FCHSD2: variants seen among roughly 807,000 people sequenced by gnomAD.
FCHSD2 encodes F-BAR and double SH3 domains protein 2.
Under a neutral mutation model 108.1 loss-of-function variants are expected in FCHSD2, and 38 were observed. That is an observed-to-expected ratio of 0.35 (90% CI 0.27 to 0.46). The LOEUF (loss-of-function observed/expected upper bound fraction) is 0.46, where lower values mean the gene tolerates loss of function less well. Ranked by LOEUF, FCHSD2 falls within the 20% of genes least tolerant of loss-of-function variation. The probability of loss-of-function intolerance (pLI) is 1.00; values close to 1 mark genes in which losing one functional copy is unlikely to be tolerated. For missense variants in FCHSD2, 751 were observed against 897.8 expected (o/e 0.84, Z 2.09); for synonymous variants, 279 against 314.7 (o/e 0.89, Z 1.20).
rs563621415 is a variant in FCHSD2, at chr11:72,843,170, G to C, written c.1686C>G (p.Ser562Arg). ...CTTTACCACTGGCATCTCCGTTGAG[G>C]CTGCCTGAAACGAGTTCTGCTTCCG... ...NSTEAELVSGSLNGDASVCFV... is the reference protein window; with the variant it reads ...NSTEAELVSGRLNGDASVCFV... The change falls in exon 16 of 20, where the codon AGC becomes AGG. Residue 562 changes from serine to arginine, a missense_variant. Coordinates refer to ENST00000409418, the MANE Select transcript of FCHSD2 (RefSeq NM_014824.3). 134 of 1,614,000 alleles carry C rather than the reference G, an allele frequency of 8.3e-5. 2 individuals carry two copies. The South Asian group carries it at 9.0e-4, about 11-fold the overall frequency.
At chr11:72,980,880 G>C (rs919840021) in intron 8 of FCHSD2, among the ~76,000 whole-genome samples, 1 of 152,004 alleles carries the variant, frequency 6.6e-6, no homozygotes, top group Non-Finnish European at 1.5e-5. Flanking sequence ...GCTGTAAGAG[G>C]CTCTTAAATG....
At chr11:72,964,883 G>A (rs563470065) in intron 8 of FCHSD2, among the ~76,000 whole-genome samples, 62 of 149,440 alleles carry the variant, frequency 4.1e-4, no homozygotes, top group African/African-American at 1.4e-3. Context: ...TCTGCCTCCC[G>A]GGTTCACGCC....
At chr11:72,879,834 A>G (rs1186820275) in intron 12 of FCHSD2, among the ~76,000 whole-genome samples, 1 of 152,058 alleles carries the variant, frequency 6.6e-6, no homozygotes, top group Non-Finnish European at 1.5e-5. Flanking sequence ...GACAGAAAAC[A>G]TATATCAAGG....
chr11:72,901,105 A>G (rs151232993), intron 10 of FCHSD2, among the ~76,000 whole-genome samples: 2 of 152,340 alleles, frequency 1.3e-5, no homozygotes, highest in African/African-American at 2.4e-5. Flanking sequence ...ACAATTGCCA[A>G]TTGGGGCCGG....
intron 12 of FCHSD2, among the ~76,000 whole-genome samples, chr11:72,887,197 T>C (rs982194139): frequency 6.6e-6 from 1 of 152,130 alleles, no homozygotes; most frequent in Non-Finnish European, 1.5e-5. Context: ...TGGTTTATTA[T>C]GTACCTTTTA....
chr11:73,139,638 G>A (rs1366334195), intron 2 of FCHSD2, among the ~76,000 whole-genome samples: 1 of 152,172 alleles, frequency 6.6e-6, no homozygotes, highest in African/African-American at 2.4e-5. Flanking sequence ...ACCATCTGGG[G>A]TTGACTGGCT....
At chr11:72,838,915 G>A in intron 19 of FCHSD2, 41 bp from the exon 20 acceptor site, 1 of 1,551,588 alleles carries the variant, frequency 6.4e-7, no homozygotes, top group African/African-American at 1.4e-5. Context: ...GTCAGTTCCT[G>A]ACTCAGTATC....
chr11:72,927,492 T>G (rs1476679120), intron 8 of FCHSD2, among the ~76,000 whole-genome samples: 1 of 151,792 alleles, frequency 6.6e-6, no homozygotes, highest in Non-Finnish European at 1.5e-5. Context: ...GGGAAGGGAG[T>G]GTAAGGGAAA....
chr11:72,843,806 G>A (rs909037704), intron 14 of FCHSD2: 4 of 350,134 alleles, frequency 1.1e-5, no homozygotes, highest in Non-Finnish European at 2.0e-5. Flanking sequence ...GCAACACAGC[G>A]AGACCCCCAT....
chr11:72,976,965 G>A (rs1857115749), intron 8 of FCHSD2, among the ~76,000 whole-genome samples: 2 of 147,046 alleles, frequency 1.4e-5, no homozygotes, highest in Non-Finnish European at 3.0e-5. Context: ...TTGCTCTGTT[G>A]CCCAGGCTGG....
Position 72,871,432 on chromosome 11 carries a change from T to C in FCHSD2, c.1147-3406A>G, listed in dbSNP as rs547020105. Among the ~76,000 whole-genome samples the C allele has an allele frequency of 4.6e-5, 7 of 152,360 alleles. No homozygotes were observed. The South Asian group carries it at 8.3e-4, about 18-fold the overall frequency. ...TCAGCCTCTTTTGCTTAGCAAGTAA[T>C]GCATTCAGCTTCATTGTTTCACATA... On this transcript the variant is annotated intron_variant, in intron 12 of 19. Transcript: ENST00000409418.
chr11:72,843,756 A>T, intron 14 of FCHSD2: 1 of 532,860 alleles, frequency 1.9e-6, no homozygotes, highest in Non-Finnish European at 3.3e-6. Flanking sequence ...TGAATCCTCA[A>T]GAGGCAATGA....
intron 2 of FCHSD2, among the ~76,000 whole-genome samples, chr11:73,129,811 G>A (rs1304480525): frequency 6.6e-6 from 1 of 151,112 alleles, no homozygotes; most frequent in African/African-American, 2.4e-5. Flanking sequence ...GACCACTGCT[G>A]TAAACTAGCA....
intron 2 of FCHSD2, among the ~76,000 whole-genome samples, chr11:73,107,448 T>G (rs1397683241): frequency 6.6e-6 from 1 of 152,244 alleles, no homozygotes; most frequent in Non-Finnish European, 1.5e-5. Flanking sequence ...ATAATCACAT[T>G]AGAGTAAATG....
intron 7 of FCHSD2, 68 bp from the exon 8 acceptor site, chr11:72,984,284 A>T: frequency 6.7e-7 from 1 of 1,495,054 alleles, no homozygotes; most frequent in South Asian, 1.2e-5. Context: ...TAGGAATCCT[A>T]CTCTTAGTTT....
intron 5 of FCHSD2, among the ~76,000 whole-genome samples, chr11:72,998,527 C>A (rs1044528618): frequency 6.6e-6 from 1 of 150,780 alleles, no homozygotes; most frequent in African/African-American, 2.4e-5. Context: ...GGTGACAGAG[C>A]GAGACTCTGT....
At chr11:73,094,885 G>A (rs534341308) in intron 2 of FCHSD2, among the ~76,000 whole-genome samples, 13 of 152,164 alleles carry the variant, frequency 8.5e-5, no homozygotes, top group Admixed American at 2.0e-4. Context: ...CGAGGCAAGC[G>A]GAACGAACAA....
intron 3 of FCHSD2, among the ~76,000 whole-genome samples, chr11:73,032,798 A>G (rs1351336257): frequency 3.3e-5 from 5 of 152,154 alleles, no homozygotes; most frequent in Non-Finnish European, 7.4e-5. Context: ...ACTTCATACA[A>G]GCTGGCATGG....
chr11:73,017,622 G>GT (rs1858002938), intron 3 of FCHSD2, among the ~76,000 whole-genome samples: 1 of 152,096 alleles, frequency 6.6e-6, no homozygotes, highest in Non-Finnish European at 1.5e-5. Context: ...CTACATATCC[G>GT]TAACAGTTCC....
Sources: gnomAD v4.1 joint callset for allele counts (sites outside exome capture counted in the v4.1 genomes callset) on GRCh38, gnomAD v4.1.1 for gene constraint, MANE v1.5 for transcripts, NCBI Gene and HGNC (gene_info 2026-07-23, HGNC 2026-07-21) for gene names.